SLC39A11: variants seen among roughly 807,000 people sequenced by gnomAD.
SLC39A11 encodes the protein solute carrier family 39 member 11.
Under a neutral mutation model 36.1 loss-of-function variants are expected in SLC39A11, and 33 were observed. The observed-to-expected ratio is 0.91, with a 90% CI of 0.69 to 1.22. The LOEUF (loss-of-function observed/expected upper bound fraction) is 1.22, where lower values mean the gene tolerates loss of function less well. Among genes scored for constraint, SLC39A11 ranks in the 50% most tolerant of loss-of-function variants. The pLI is 0.00. For synonymous variants in SLC39A11, 166 were observed against 170.3 expected (o/e 0.97, Z 0.20); for missense variants, 432 against 430.3 (o/e 1.00, Z -0.03).
rs369320318 is a variant in SLC39A11, at chr17:72,841,434, C to CTAAG, written c.601+8196_601+8199dup. 3.3e-5 allele frequency among the ~76,000 whole-genome samples: 5 copies of CTAAG among 152,274 alleles called. 1 individual carries two copies. The highest frequency in any genetic ancestry group is 1.2e-4 in the African/African-American group (5 of 41,548). On this transcript the variant is annotated intron_variant, in intron 6 of 9. Transcript: ENST00000255559. ...ACTGGAGGTTATTATGTGAAGTGAA[C>CTAAG]TAAGCCAGGCATGGAAAGACAAACT...
chr17:72,778,438 AG>A (rs2076206909), intron 6 of SLC39A11, among the ~76,000 whole-genome samples: 1 of 152,254 alleles, frequency 6.6e-6, no homozygotes. Flanking sequence ...CCTACAGTGA[AG>A]GGTTCACCCT....
intron 6 of SLC39A11, among the ~76,000 whole-genome samples, chr17:72,805,814 T>C (rs1355232135): frequency 1.3e-5 from 2 of 151,704 alleles, no homozygotes; most frequent in African/African-American, 4.9e-5. Flanking sequence ...AGTGGGGCGA[T>C]CCTGGCTCAC....
chr17:72,895,011 G>A (rs78605413), intron 5 of SLC39A11, among the ~76,000 whole-genome samples: 2,207 of 151,964 alleles, frequency 0.015, 61 homozygotes, highest in African/African-American at 0.048. Context: ...AGAAACTAAC[G>A]CAGAAACTGA....
intron 5 of SLC39A11, among the ~76,000 whole-genome samples, chr17:72,943,394 T>C (rs1403107878): frequency 6.6e-6 from 1 of 152,210 alleles, no homozygotes; most frequent in East Asian, 1.9e-4. Flanking sequence ...TGACACGAGC[T>C]TGGCATCAGT....
At chr17:73,062,796 G>GT (rs1400006991) in intron 3 of SLC39A11, among the ~76,000 whole-genome samples, 33 of 152,278 alleles carry the variant, frequency 2.2e-4, no homozygotes, top group Admixed American at 1.8e-3. Context: ...ATCATCAGGC[G>GT]TTAGAGTCTC....
In SLC39A11 at chr17:72,670,155, TTA is replaced by T. The variant is rs1341458805; in HGVS notation, c.672-20889_672-20888del. ...AGATACGTATACACACACACACATTTTATATACACACACACACACACACACAC... is the reference window on the plus strand; with the variant it reads ...AGATACGTATACACACACACACATTTTATACACACACACACACACACACAC... On this transcript the variant is annotated intron_variant, in intron 7 of 9. Transcript: ENST00000255559. 5.1e-3 allele frequency among the ~76,000 whole-genome samples: 538 copies of T among 104,836 alleles called. 5 individuals are homozygous for T. Among genetic ancestry groups the T allele is most frequent in the Middle Eastern group, 0.01 (2 of 198 alleles). The allele number at this position is 104,836 out of a possible 152,430, so 68.8% of individuals were successfully genotyped here.
chr17:73,066,928 G>C (rs1025772558), intron 3 of SLC39A11, among the ~76,000 whole-genome samples: 6 of 152,160 alleles, frequency 3.9e-5, no homozygotes, highest in Admixed American at 3.9e-4. Context: ...AATACAAAGA[G>C]ACTAAGGGAC....
chr17:72,954,332 G>A (rs987110532), intron 4 of SLC39A11, among the ~76,000 whole-genome samples: 9 of 152,260 alleles, frequency 5.9e-5, no homozygotes, highest in Admixed American at 5.9e-4. Context: ...ACAAGTCAGA[G>A]CTCCCTGAGG....
chr17:73,010,172 G>A (rs1708913284), intron 4 of SLC39A11, among the ~76,000 whole-genome samples: 1 of 152,048 alleles, frequency 6.6e-6, no homozygotes, highest in South Asian at 2.1e-4. Context: ...CTCACCCCAA[G>A]AGCTTCTGAG....
intron 7 of SLC39A11, among the ~76,000 whole-genome samples, chr17:72,687,325 G>A (rs552956725): frequency 1.3e-5 from 2 of 152,174 alleles, no homozygotes; most frequent in South Asian, 2.1e-4. Context: ...GTGCGATCTC[G>A]GCTCACTGCA....
intron 6 of SLC39A11, among the ~76,000 whole-genome samples, chr17:72,744,407 C>T (rs75755270): frequency 0.053 from 8,004 of 152,150 alleles, 342 homozygotes; most frequent in African/African-American, 0.12. Context: ...TCTTCTCTCC[C>T]AATGAGGGAC....
At chr17:72,763,762 C>A (rs1340324318) in intron 6 of SLC39A11, among the ~76,000 whole-genome samples, 3 of 152,168 alleles carry the variant, frequency 2.0e-5, no homozygotes, top group African/African-American at 7.2e-5. Context: ...ACAAAGGAAA[C>A]AGGGCCCTTT....
intron 5 of SLC39A11, among the ~76,000 whole-genome samples, chr17:72,887,738 A>G (rs1268815969): frequency 6.6e-6 from 1 of 152,174 alleles, no homozygotes; most frequent in Non-Finnish European, 1.5e-5. Context: ...CAATTTACAA[A>G]TTGTGGCTAT....
intron 7 of SLC39A11, among the ~76,000 whole-genome samples, chr17:72,651,410 G>A (rs1399468600): frequency 6.6e-6 from 1 of 152,110 alleles, no homozygotes; most frequent in Non-Finnish European, 1.5e-5. Flanking sequence ...ACTACTGAAT[G>A]CATCAGGAGC....
intron 4 of SLC39A11, among the ~76,000 whole-genome samples, chr17:73,008,088 G>C (rs1331584679): frequency 7.6e-6 from 1 of 131,530 alleles, no homozygotes; most frequent in Non-Finnish European, 1.7e-5. Context: ...GGGTGACAGA[G>C]CGAGACTCAG....
chr17:72,951,454 T>C (rs1377901137), intron 4 of SLC39A11, among the ~76,000 whole-genome samples: 1 of 152,052 alleles, frequency 6.6e-6, no homozygotes, highest in Non-Finnish European at 1.5e-5. Context: ...CCTTCACGCA[T>C]CCCATAGATT....
intron 3 of SLC39A11, among the ~76,000 whole-genome samples, chr17:73,076,998 C>A (rs1380108709): frequency 6.6e-6 from 1 of 151,934 alleles, no homozygotes; most frequent in Non-Finnish European, 1.5e-5. Flanking sequence ...CACTAGATAC[C>A]CACGTGGCAA....
intron 7 of SLC39A11, among the ~76,000 whole-genome samples, chr17:72,692,806 G>A (rs557110526): frequency 8.1e-4 from 123 of 152,264 alleles, no homozygotes; most frequent in Non-Finnish European, 1.4e-3. Context: ...AGGACAACTT[G>A]GGACTGGAAA....
chr17:72,799,226 G>A (rs999172413), intron 6 of SLC39A11, among the ~76,000 whole-genome samples: 3 of 152,172 alleles, frequency 2.0e-5, no homozygotes, highest in African/African-American at 7.2e-5. Context: ...TCTTATGCCT[G>A]TCTTGTCTTT....
Sources: allele counts gnomAD v4.1 joint callset (sites outside exome capture counted in the v4.1 genomes callset), GRCh38; gene constraint gnomAD v4.1.1; transcripts MANE v1.5; gene names NCBI Gene and HGNC (gene_info 2026-07-23, HGNC 2026-07-21).